The following GRM5 variants were observed in gnomAD, a reference collection of about 807,000 sequenced individuals.
GRM5 encodes the protein glutamate metabotropic receptor 5.
In GRM5, 19 loss-of-function variants were observed where a neutral mutation model predicts 83.1. That is an observed-to-expected ratio of 0.23 (90% confidence interval 0.16 to 0.34). The LOEUF is 0.34. Ranked by LOEUF, GRM5 falls within the 10% of genes least tolerant of loss-of-function variation. The pLI, the probability that GRM5 is intolerant of heterozygous loss-of-function variation, is 1.00. For missense variants in GRM5, 1,160 were observed against 1,588.3 expected (o/e 0.73, Z 4.58); for synonymous variants, 675 against 633.6 (o/e 1.07, Z -0.98).
chr11:88,653,946 A>G (rs569667067), intron 3 of GRM5, among the ~76,000 whole-genome samples: 141 of 152,162 alleles, frequency 9.3e-4, no homozygotes, highest in South Asian at 2.1e-3. Flanking sequence ...TGGTTACTCT[A>G]TTCAATGTTG....
chr11:88,616,167 T>C (rs1366901267), intron 4 of GRM5, among the ~76,000 whole-genome samples: 1 of 152,178 alleles, frequency 6.6e-6, no homozygotes, highest in African/African-American at 2.4e-5. Context: ...AATTGATTTA[T>C]GGTACCTGGT....
chr11:88,819,971 A>G (rs1041556387), intron 3 of GRM5, among the ~76,000 whole-genome samples: 1 of 152,156 alleles, frequency 6.6e-6, no homozygotes, highest in Non-Finnish European at 1.5e-5. Context: ...TAATCTATTC[A>G]TGAGCTCAAA....
chr11:88,721,219 G>A (rs1941531577), intron 3 of GRM5, among the ~76,000 whole-genome samples: 1 of 151,996 alleles, frequency 6.6e-6, no homozygotes, highest in South Asian at 2.1e-4. Flanking sequence ...CTATAACAGT[G>A]AATATTTTCA....
intron 2 of GRM5, among the ~76,000 whole-genome samples, chr11:88,898,491 A>G (rs1945268523): frequency 6.6e-6 from 1 of 151,948 alleles, no homozygotes; most frequent in African/African-American, 2.4e-5. Context: ...AATAATACTG[A>G]CTGTCTGTAG....
intron 3 of GRM5, among the ~76,000 whole-genome samples, chr11:88,772,524 TG>T (rs1287557659): frequency 6.6e-6 from 1 of 152,102 alleles, no homozygotes; most frequent in Non-Finnish European, 1.5e-5. Context: ...TAGGTATACA[TG>T]TGCCATGTTG....
chr11:88,610,383 T>C (rs1464875659), intron 4 of GRM5, among the ~76,000 whole-genome samples: 1 of 152,224 alleles, frequency 6.6e-6, no homozygotes, highest in East Asian at 1.9e-4. Context: ...TTGTGTCATC[T>C]CTGATTTCTT....
chr11:89,015,509 T>TA (rs200404083), intron 2 of GRM5, among the ~76,000 whole-genome samples: 75 of 152,110 alleles, frequency 4.9e-4, no homozygotes, highest in East Asian at 5.8e-4. Context: ...TAGTCACTCA[T>TA]AAAAAAAACT....
chr11:88,561,486 C>A (rs530104114), intron 8 of GRM5, among the ~76,000 whole-genome samples: 1 of 152,074 alleles, frequency 6.6e-6, no homozygotes. Flanking sequence ...ATTTTAGAAC[C>A]CCAGTTCCAT....
chr11:88,886,859 A>T (rs1292512764), intron 2 of GRM5, among the ~76,000 whole-genome samples: 1 of 152,172 alleles, frequency 6.6e-6, no homozygotes, highest in Non-Finnish European at 1.5e-5. Flanking sequence ...AGGGAATGTC[A>T]TAGTAACCAG....
intron 1 of GRM5, among the ~76,000 whole-genome samples, chr11:89,055,768 C>A (rs1049429533): frequency 2.0e-5 from 3 of 151,106 alleles, no homozygotes; most frequent in African/African-American, 7.3e-5. Flanking sequence ...CATATAAGTT[C>A]ATTTGGATGA....
chr11:88,923,563 G>C (rs1352264103), intron 2 of GRM5, among the ~76,000 whole-genome samples: 3 of 152,056 alleles, frequency 2.0e-5, no homozygotes, highest in African/African-American at 4.8e-5. Flanking sequence ...GTAGTGGGGA[G>C]TAGAGGAAAA....
At chr11:88,765,610 A>G (rs1393113178) in intron 3 of GRM5, among the ~76,000 whole-genome samples, 1 of 151,748 alleles carries the variant, frequency 6.6e-6, no homozygotes, top group African/African-American at 2.4e-5. Flanking sequence ...AGTCTTCAAC[A>G]AATGATGCTT....
At chr11:88,719,571 T>C (rs1941485284) in intron 3 of GRM5, among the ~76,000 whole-genome samples, 1 of 152,106 alleles carries the variant, frequency 6.6e-6, no homozygotes, top group African/African-American at 2.4e-5. Context: ...TTTTGGGGTA[T>C]ATACCCAGTA....
At chr11:88,994,954 T>A (rs35105651) in intron 2 of GRM5, among the ~76,000 whole-genome samples, 1 of 152,170 alleles carries the variant, frequency 6.6e-6, no homozygotes, top group African/African-American at 2.4e-5. Context: ...TAACCATAAC[T>A]AAAATGAAAT....
At chr11:89,021,526 A>T (rs888595107) in intron 2 of GRM5, among the ~76,000 whole-genome samples, 4 of 152,226 alleles carry the variant, frequency 2.6e-5, no homozygotes, top group African/African-American at 9.6e-5. Context: ...CAAGAAAATG[A>T]TTAACTGCAC....
intron 2 of GRM5, among the ~76,000 whole-genome samples, chr11:88,896,770 G>A (rs1269759281): frequency 6.6e-6 from 1 of 151,798 alleles, no homozygotes; most frequent in Non-Finnish European, 1.5e-5. Context: ...CACATACATT[G>A]GGAAAGTCAG....
intron 3 of GRM5, among the ~76,000 whole-genome samples, chr11:88,751,072 C>CAAAAA (rs774458890): frequency 6.8e-4 from 32 of 47,346 alleles, no homozygotes; most frequent in African/African-American, 2.2e-3. Flanking sequence ...TAGCAGAAGC[C>CAAAAA]AAAAAAAAAA....
intron 2 of GRM5, among the ~76,000 whole-genome samples, chr11:89,022,789 G>C (rs146267719): frequency 2.6e-5 from 4 of 152,176 alleles, no homozygotes; most frequent in African/African-American, 7.2e-5. Flanking sequence ...GCATTATAAG[G>C]TCCTTTAGTA....
At chr11:88,895,935 A>G (rs1032667876) in intron 2 of GRM5, among the ~76,000 whole-genome samples, 5 of 152,010 alleles carry the variant, frequency 3.3e-5, no homozygotes, top group African/African-American at 1.2e-4. Context: ...ATTAGTTTTT[A>G]TAATATTTTA....
Sources: gnomAD v4.1 joint callset for allele counts (sites outside exome capture counted in the v4.1 genomes callset) on GRCh38, gnomAD v4.1.1 for gene constraint, MANE v1.5 for transcripts, NCBI Gene and HGNC (gene_info 2026-07-23, HGNC 2026-07-21) for gene names.